SUGCT: variants seen among roughly 807,000 people sequenced by gnomAD.
SUGCT encodes the protein succinyl-CoA:glutarate-CoA transferase.
Under a neutral mutation model 55.0 loss-of-function variants are expected in SUGCT, and 41 were observed. That is an observed-to-expected ratio of 0.74 (90% CI 0.58 to 0.97). The LOEUF (loss-of-function observed/expected upper bound fraction) is 0.97, where lower values mean the gene tolerates loss of function less well. Ranked by LOEUF, SUGCT falls within the 50% of genes least tolerant of loss-of-function variation. The probability of loss-of-function intolerance (pLI) is 0.00; values close to 1 mark genes in which losing one functional copy is unlikely to be tolerated. For missense variants in SUGCT, 568 were observed against 547.8 expected (o/e 1.04, Z -0.37); for synonymous variants, 187 against 200.4 (o/e 0.93, Z 0.56).
At chr7:40,835,881 C>A (rs1179619906) in intron 13 of SUGCT, among the ~76,000 whole-genome samples, 1 of 145,854 alleles carries the variant, frequency 6.9e-6, no homozygotes, top group South Asian at 2.2e-4. Context: ...CTTCCATTTT[C>A]TTTTTTTTCT....
chr7:40,768,238 T>G lies in SUGCT; in HGVS notation c.1153+18741T>G, dbSNP rs1383787790. 1.2e-4 allele frequency among the ~76,000 whole-genome samples: 18 copies of G among 152,260 alleles called. No individual in the cohort carries two copies. The South Asian group carries it at 2.9e-3, about 25-fold the overall frequency. On this transcript the variant is annotated intron_variant, in intron 13 of 13. Transcript: ENST00000335693. ...AGGGGCCTCAGGCTGCTTCACTACC[T>G]ATTTCTTAGAACTCTGCACAGCTTT...
At chr7:40,421,740 C>T (rs1041241403) in intron 9 of SUGCT, among the ~76,000 whole-genome samples, 9 of 151,992 alleles carry the variant, frequency 5.9e-5, no homozygotes, top group African/African-American at 2.2e-4. Context: ...TGGGACCTAA[C>T]TAAGTGGTAA....
intron 8 of SUGCT, among the ~76,000 whole-genome samples, chr7:40,302,051 T>C (rs1389137450): frequency 6.6e-6 from 1 of 152,228 alleles, no homozygotes; most frequent in African/African-American, 2.4e-5. Flanking sequence ...GCATTTCCAC[T>C]GTTGTTCTAT....
intron 13 of SUGCT, among the ~76,000 whole-genome samples, chr7:40,795,654 T>C (rs566804181): frequency 6.6e-6 from 1 of 152,116 alleles, no homozygotes; most frequent in Non-Finnish European, 1.5e-5. Flanking sequence ...GGGCTTGTAT[T>C]CTCTTGAAAA....
At chr7:40,891,299 A>C in the SUGCT span, among the ~76,000 whole-genome samples, 1 of 152,224 alleles carries the variant, frequency 6.6e-6, no homozygotes, top group African/African-American at 2.4e-5. Context: ...ATCCAGATCT[A>C]CTAAGTCCAA....
intron 1 of SUGCT, chr7:40,141,710 C>CT (rs61007273): frequency 2.9e-3 from 440 of 150,076 alleles, no homozygotes; most frequent in South Asian, 6.3e-3. Context: ...AGAGGGAATT[C>CT]TTTTTTTTTT....
At chr7:40,837,240 A>T (rs1448206625) in intron 13 of SUGCT, among the ~76,000 whole-genome samples, 2 of 152,134 alleles carry the variant, frequency 1.3e-5, no homozygotes, top group Non-Finnish European at 2.9e-5. Flanking sequence ...ATCTCAGTGA[A>T]ATGTCTGTTC....
chr7:40,956,480 T>A, the SUGCT span, among the ~76,000 whole-genome samples: 1 of 152,180 alleles, frequency 6.6e-6, no homozygotes, highest in Admixed American at 6.5e-5. Flanking sequence ...CATATTCCCT[T>A]TATCATTTTC....
chr7:40,192,701 G>A lies in SUGCT; in HGVS notation c.364-2239G>A, dbSNP rs534508755. 1.1e-4 allele frequency among the ~76,000 whole-genome samples: 16 copies of A among 145,916 alleles called. No homozygotes were observed. The South Asian group carries it at 3.0e-3, about 28-fold the overall frequency. The stretch of plus-strand genomic sequence containing the variant: ...GGCTAGGGTACAATGGTGCGATCTC[G>A]GCTCACTCCAACCTCTGCCTTCTGG... On this transcript the variant is annotated intron_variant, in intron 5 of 13. Coordinates refer to ENST00000335693, the MANE Select transcript of SUGCT (RefSeq NM_001193313.2).
intron 12 of SUGCT, among the ~76,000 whole-genome samples, chr7:40,734,646 AT>A (rs989057352): frequency 3.5e-4 from 51 of 147,808 alleles, no homozygotes; most frequent in Admixed American, 5.4e-4. Flanking sequence ...ATCCATGTGC[AT>A]TTTTTTTTTG....
At chr7:40,514,933 T>C (rs1793153617) in intron 12 of SUGCT, among the ~76,000 whole-genome samples, 1 of 152,270 alleles carries the variant, frequency 6.6e-6, no homozygotes, top group Middle Eastern at 3.4e-3. Flanking sequence ...AAATGTGAAA[T>C]AATTTGATTC....
At chr7:40,392,122 C>T (rs532606934) in intron 9 of SUGCT, among the ~76,000 whole-genome samples, 8 of 152,072 alleles carry the variant, frequency 5.3e-5, no homozygotes, top group Admixed American at 2.0e-4. Context: ...CGTCACACAC[C>T]GGGGCCTGTC....
intron 6 of SUGCT, among the ~76,000 whole-genome samples, chr7:40,229,641 C>G (rs570143841): frequency 6.6e-6 from 1 of 151,674 alleles, no homozygotes; most frequent in Non-Finnish European, 1.5e-5. Context: ...GGTGAAACCT[C>G]ATCTCTACTA....
chr7:40,215,477 T>C (rs1208989619), intron 6 of SUGCT, among the ~76,000 whole-genome samples: 1 of 152,018 alleles, frequency 6.6e-6, no homozygotes, highest in Non-Finnish European at 1.5e-5. Flanking sequence ...ATCACAGTAA[T>C]GCAGAACTTT....
rs66508711 is a variant in SUGCT, at chr7:40,832,562, G to GTTT, written c.1154-27744_1154-27742dup. Among the ~76,000 whole-genome samples the GTTT allele has an allele frequency of 2.3e-3, 325 of 139,780 alleles. 2 individuals carry two copies. The highest frequency in any genetic ancestry group is 5.4e-3 in the East Asian group (26 of 4,782). The allele number at this position is 139,780 out of a possible 152,430, so 91.7% of individuals were successfully genotyped here. A position where few individuals can be genotyped will look rare whatever the true frequency, so the allele number is the denominator to read the frequency against. The stretch of plus-strand genomic sequence containing the variant: ...TTTTTTGTTTTCCAGGGTTTTTTTT[G>GTTT]TTTTTTTTTTTTCCCGGATGTGAGC... On this transcript the variant is annotated intron_variant, in intron 13 of 13. Coordinates refer to ENST00000335693, the MANE Select transcript of SUGCT (RefSeq NM_001193313.2).
At chr7:40,841,542 T>C (rs540940564) in intron 13 of SUGCT, among the ~76,000 whole-genome samples, 37 of 152,332 alleles carry the variant, frequency 2.4e-4, no homozygotes, top group Middle Eastern at 6.8e-3. Flanking sequence ...CAAGTACCTG[T>C]TGTAGACAAA....
chr7:40,762,491 A>G (rs1788580834), intron 13 of SUGCT, among the ~76,000 whole-genome samples: 1 of 152,186 alleles, frequency 6.6e-6, no homozygotes, highest in Non-Finnish European at 1.5e-5. Context: ...TTTTACCACC[A>G]AAAGGGAAAC....
At chr7:40,443,621 A>G (rs1237441067) in intron 9 of SUGCT, among the ~76,000 whole-genome samples, 2 of 152,164 alleles carry the variant, frequency 1.3e-5, no homozygotes, top group Non-Finnish European at 2.9e-5. Context: ...TCTGGATATT[A>G]GCCATTTGTG....
chr7:40,766,824 A>C (rs1240158552), intron 13 of SUGCT, among the ~76,000 whole-genome samples: 2 of 152,210 alleles, frequency 1.3e-5, no homozygotes, highest in Non-Finnish European at 2.9e-5. Context: ...ATTCCAAGTC[A>C]AATACTTTAA....
Sources: gnomAD v4.1 joint callset for allele counts (sites outside exome capture counted in the v4.1 genomes callset) on GRCh38, gnomAD v4.1.1 for gene constraint, MANE v1.5 for transcripts, NCBI Gene and HGNC (gene_info 2026-07-23, HGNC 2026-07-21) for gene names.